The following NRG1 variants were observed in gnomAD, a reference collection of about 807,000 sequenced individuals.
The protein encoded by NRG1 is pro-neuregulin-1, membrane-bound isoform.
In NRG1, 18 loss-of-function variants were observed where a neutral mutation model predicts 63.8. The observed-to-expected ratio is 0.28, with a 90% CI of 0.19 to 0.42. NRG1 has a LOEUF of 0.42. Ranked by LOEUF, NRG1 falls within the 10% of genes least tolerant of loss-of-function variation. The probability of loss-of-function intolerance (pLI) is 1.00; values close to 1 mark genes in which losing one functional copy is unlikely to be tolerated. For synonymous variants in NRG1, 302 were observed against 301.3 expected (o/e 1.00, Z -0.02); for missense variants, 762 against 814.7 (o/e 0.94, Z 0.79).
At chr8:31,639,928 C>G (rs1803568685) in intron 1 of NRG1, 3 of 1,116,662 alleles carry the variant, frequency 2.7e-6, no homozygotes, top group South Asian at 8.5e-5. Flanking sequence ...GGAGGCAGCG[C>G]GAGAGAGCCG....
At chr8:32,756,181 C>T (rs1282109892) in intron 8 of NRG1, among the ~76,000 whole-genome samples, 1 of 152,030 alleles carries the variant, frequency 6.6e-6, no homozygotes, top group African/African-American at 2.4e-5. Flanking sequence ...CTCAGTAAAA[C>T]AGCTAAATTT....
At chr8:32,477,091 T>C (rs1824616968) in intron 1 of NRG1, among the ~76,000 whole-genome samples, 1 of 152,190 alleles carries the variant, frequency 6.6e-6, no homozygotes, top group South Asian at 2.1e-4. Flanking sequence ...TTGATGATTA[T>C]GGAAGCAGAA....
chr8:31,807,805 A>T (rs1822433488), intron 1 of NRG1, among the ~76,000 whole-genome samples: 1 of 152,154 alleles, frequency 6.6e-6, no homozygotes, highest in Admixed American at 6.6e-5. Flanking sequence ...GAATATTTTC[A>T]TAGAAAACAT....
chr8:32,130,880 A>G (rs982545585), intron 1 of NRG1, among the ~76,000 whole-genome samples: 1 of 151,950 alleles, frequency 6.6e-6, no homozygotes, highest in Non-Finnish European at 1.5e-5. Context: ...TTGAAAAAGG[A>G]TGAGTTTCAG....
At chr8:32,433,473 T>C (rs1818416185) in intron 1 of NRG1, among the ~76,000 whole-genome samples, 1 of 152,172 alleles carries the variant, frequency 6.6e-6, no homozygotes, top group Non-Finnish European at 1.5e-5. Context: ...CTTTTCCCTT[T>C]TGGGCTTGTA....
At chr8:32,089,390 A>C (rs1828761052) in intron 1 of NRG1, among the ~76,000 whole-genome samples, 1 of 152,242 alleles carries the variant, frequency 6.6e-6, no homozygotes, top group South Asian at 2.1e-4. Context: ...GGACAGTTAA[A>C]TATGCAGTTC....
intron 1 of NRG1, among the ~76,000 whole-genome samples, chr8:32,526,879 G>A (rs1216779233): frequency 1.3e-5 from 2 of 152,034 alleles, no homozygotes; most frequent in African/African-American, 4.8e-5. Flanking sequence ...CTTTTGGAGG[G>A]CTAAATGCTA....
chr8:32,175,759 G>A (rs954742359), intron 1 of NRG1, among the ~76,000 whole-genome samples: 2 of 152,086 alleles, frequency 1.3e-5, no homozygotes, highest in African/African-American at 4.8e-5. Flanking sequence ...AAAATACCTA[G>A]GAATCCAACT....
At chr8:31,711,117 C>T (rs1294235551) in intron 1 of NRG1, among the ~76,000 whole-genome samples, 1 of 152,086 alleles carries the variant, frequency 6.6e-6, no homozygotes, top group Non-Finnish European at 1.5e-5. Flanking sequence ...TTTTCAACTT[C>T]CTAATTTCTT....
At chr8:32,215,243 G>T (rs1420118287) in intron 1 of NRG1, among the ~76,000 whole-genome samples, 1 of 152,156 alleles carries the variant, frequency 6.6e-6, no homozygotes, top group Non-Finnish European at 1.5e-5. Context: ...CAGAATACTA[G>T]TTTTATGAAA....
rs997475638 is a variant in NRG1 at position 31,987,398 on chromosome 8, A to C, written c.37+347967A>C. ...TTTACCTGTAAGGTGTTAGTCATGGAATACTATGCAGCCATAAAAAAGAAT... is the reference window on the plus strand; with the variant it reads ...TTTACCTGTAAGGTGTTAGTCATGGCATACTATGCAGCCATAAAAAAGAAT... On this transcript the variant is annotated intron_variant, in intron 1 of 10. Transcript: ENST00000519301. 1.9e-4 allele frequency among the ~76,000 whole-genome samples: 29 copies of C among 150,596 alleles called. 1 individual carries two copies. The highest frequency in any genetic ancestry group is 6.4e-4 in the African/African-American group (26 of 40,640).
chr8:31,917,633 GT>G, intron 1 of NRG1, among the ~76,000 whole-genome samples: 1 of 152,174 alleles, frequency 6.6e-6, no homozygotes, highest in East Asian at 1.9e-4. Context: ...TGGAAGTCAG[GT>G]AACGTGATGC....
chr8:31,853,386 G>A (rs1476960004), intron 1 of NRG1, among the ~76,000 whole-genome samples: 3 of 150,222 alleles, frequency 2.0e-5, no homozygotes, highest in Non-Finnish European at 3.0e-5. Context: ...GTGAATGGGA[G>A]TTCACTCATG....
chr8:32,597,557 A>C (rs898152282), intron 2 of NRG1, among the ~76,000 whole-genome samples: 1 of 152,114 alleles, frequency 6.6e-6, no homozygotes, highest in African/African-American at 2.4e-5. Context: ...TATACCTAAT[A>C]TTACTAATTT....
intron 6 of NRG1, among the ~76,000 whole-genome samples, chr8:32,731,608 C>G (rs1823682924): frequency 6.6e-6 from 1 of 152,096 alleles, no homozygotes; most frequent in Non-Finnish European, 1.5e-5. Context: ...TACTTCAAAC[C>G]TTTCTCGTTA....
chr8:31,994,067 G>A (rs958588235), intron 1 of NRG1, among the ~76,000 whole-genome samples: 1 of 151,944 alleles, frequency 6.6e-6, no homozygotes, highest in Non-Finnish European at 1.5e-5. Context: ...TTAAAGCGAG[G>A]TACAGGGTGC....
At chr8:31,675,755 A>C (rs1309097090) in intron 1 of NRG1, among the ~76,000 whole-genome samples, 1 of 152,204 alleles carries the variant, frequency 6.6e-6, no homozygotes, top group African/African-American at 2.4e-5. Flanking sequence ...AATGAGTTAT[A>C]GATGACCAAA....
intron 1 of NRG1, among the ~76,000 whole-genome samples, chr8:32,320,524 G>A (rs1212513007): frequency 6.6e-6 from 1 of 152,188 alleles, no homozygotes; most frequent in Non-Finnish European, 1.5e-5. Context: ...AGGAAGAAGA[G>A]AAGTCTCAAA....
At chr8:31,700,998 C>G (rs750591869) in intron 1 of NRG1, among the ~76,000 whole-genome samples, 1 of 152,162 alleles carries the variant, frequency 6.6e-6, no homozygotes, top group African/African-American at 2.4e-5. Context: ...GTAGCAGATG[C>G]GCTTTTCGCT....
Sources: gnomAD v4.1 joint callset for allele counts (sites outside exome capture counted in the v4.1 genomes callset) on GRCh38, gnomAD v4.1.1 for gene constraint, MANE v1.5 for transcripts, NCBI Gene and HGNC (gene_info 2026-07-23, HGNC 2026-07-21) for gene names.